Variants in CLRN3 observed in about 807,000 individuals in gnomAD.
CLRN3 encodes the protein clarin 3.
Under a neutral mutation model 16.7 loss-of-function variants are expected in CLRN3, and 12 were observed. The ratio of observed to expected loss-of-function variants is 0.72; its 90% CI spans 0.46 to 1.16. The LOEUF (loss-of-function observed/expected upper bound fraction) is 1.16, where lower values mean the gene tolerates loss of function less well. CLRN3 is among the 50% of genes most tolerant of loss of function. The pLI is 0.00. For missense variants in CLRN3, 296 were observed against 274.2 expected (o/e 1.08, Z -0.56); for synonymous variants, 118 against 113.0 (o/e 1.04, Z -0.28).
At chr10:127,889,699 G>C (rs945079761) in intron 1 of CLRN3, among the ~76,000 whole-genome samples, 9 of 152,314 alleles carry the variant, frequency 5.9e-5, no homozygotes, top group African/African-American at 2.2e-4. Flanking sequence ...TAAAAAATAA[G>C]TTCTGGTCAG....
At chr10:127,887,744 A>C (rs1473351136) in intron 1 of CLRN3, among the ~76,000 whole-genome samples, 2 of 152,252 alleles carry the variant, frequency 1.3e-5, no homozygotes, top group East Asian at 1.9e-4. Flanking sequence ...AAAGTTACCA[A>C]GAATGAAATA....
In CLRN3 at chr10:127,877,903, T is replaced by TA. The variant is rs2135074318; in HGVS notation, c.*245dup. ...CGTGAGACCAGGTCAGAAGGGTCGT[T>TA]ACGCTCATCATGATACTACTGCTTT... On this transcript the variant is annotated 3_prime_UTR_variant, in exon 3 of 3. Transcript: ENST00000368671. 8.0e-6 allele frequency: 4 copies of TA among 497,906 alleles called. No homozygotes were observed. The highest frequency in any genetic ancestry group is 3.5e-5 in the East Asian group (1 of 28,324). 30.8% of individuals were successfully genotyped at this position (497,906 alleles called of 1,614,324 possible).
At chr10:127,881,342 T>C (rs1449869863) in intron 2 of CLRN3, among the ~76,000 whole-genome samples, 1 of 152,200 alleles carries the variant, frequency 6.6e-6, no homozygotes, top group East Asian at 1.9e-4. Flanking sequence ...CAAACATGCA[T>C]GAGGCCTCTG....
At chr10:127,884,273 T>C (rs2135080906) in intron 1 of CLRN3, among the ~76,000 whole-genome samples, 1 of 152,306 alleles carries the variant, frequency 6.6e-6, no homozygotes, top group East Asian at 1.9e-4. Context: ...GGCTTCCACT[T>C]GGAGGCACTC....
Position 127,887,195 on chromosome 10 carries a change from A to C in CLRN3, c.230-3320T>G, listed in dbSNP as rs554913475. 1.1e-4 allele frequency among the ~76,000 whole-genome samples: 17 copies of C among 152,328 alleles called. No homozygotes were observed. In the South Asian group the frequency reaches 3.5e-3, roughly 32 times the overall value. On this transcript the variant is annotated intron_variant, in intron 1 of 2. Coordinates refer to ENST00000368671, the MANE Select transcript of CLRN3 (RefSeq NM_152311.5). ...TACAGCACGTAGGACACACCTGTTCAGGGGGACAGATCAGAGGCTGCAGAT... is the reference window on the plus strand; with the variant it reads ...TACAGCACGTAGGACACACCTGTTCCGGGGGACAGATCAGAGGCTGCAGAT...
chr10:127,891,343 T>C (rs1379121609), intron 1 of CLRN3, among the ~76,000 whole-genome samples: 1 of 152,208 alleles, frequency 6.6e-6, no homozygotes, highest in Non-Finnish European at 1.5e-5. Flanking sequence ...CAAAAAAAAC[T>C]GTAGGTTTTG....
In CLRN3 at chr10:127,885,974, C is replaced by G. The variant is rs190365022; in HGVS notation, c.230-2099G>C. Among the ~76,000 whole-genome samples, 5 of 152,126 alleles carry G rather than the reference C, an allele frequency of 3.3e-5. No homozygotes were observed. The South Asian group carries it at 1.0e-3, about 32-fold the overall frequency. Reference sequence around the variant, plus strand: ...TTGTCCATGTTGGTCAGGCTGGTCTCGAACTCCCAACCTCAGGTGATCTGC... The same window carrying G: ...TTGTCCATGTTGGTCAGGCTGGTCTGGAACTCCCAACCTCAGGTGATCTGC... On this transcript the variant is annotated intron_variant, in intron 1 of 2. Coordinates refer to ENST00000368671, the MANE Select transcript of CLRN3 (RefSeq NM_152311.5).
chr10:127,892,527 A>G (rs1282793909), intron 1 of CLRN3, 29 bp downstream of exon 1: 3 of 1,082,064 alleles, frequency 2.8e-6, no homozygotes, highest in East Asian at 2.4e-5. Context: ...CAATCTCACT[A>G]TATTCATTCA....
chr10:127,884,369 G>A (rs1037247101), intron 1 of CLRN3, among the ~76,000 whole-genome samples: 4 of 152,224 alleles, frequency 2.6e-5, no homozygotes, highest in Non-Finnish European at 5.9e-5. Context: ...AGTCAGGGGT[G>A]GCATCAGCAG....
chr10:127,881,633 A>G (rs1367349079), intron 2 of CLRN3, among the ~76,000 whole-genome samples: 1 of 152,156 alleles, frequency 6.6e-6, no homozygotes, highest in Non-Finnish European at 1.5e-5. Context: ...CCATTAGTGG[A>G]TGGCTTGGGG....
At chr10:127,883,896 T>C in intron 1 of CLRN3, 21 bp from the exon 2 acceptor site, 3 of 1,610,484 alleles carry the variant, frequency 1.9e-6, no homozygotes, top group Non-Finnish European at 2.5e-6. Context: ...GTTTTGTGAG[T>C]GCATAGCACA....
intron 2 of CLRN3, among the ~76,000 whole-genome samples, chr10:127,882,900 C>T (rs1273068576): frequency 1.3e-5 from 2 of 152,146 alleles, no homozygotes; most frequent in African/African-American, 2.4e-5. Flanking sequence ...GAGCAAAAGG[C>T]CCTGAAGGCA....
rs35890579 is a variant in CLRN3, at chr10:127,892,573, G to C, written c.212C>G (p.Pro71Arg). The change falls in exon 1 of 3, where the codon CCA becomes CGA. Residue 71 changes from proline to arginine, a missense_variant. Coordinates refer to ENST00000368671, the MANE Select transcript of CLRN3 (RefSeq NM_152311.5). Reference sequence around the variant, plus strand: ...TCATTTACCTGCAAACTTTTTCTTTGGTTCTGCAAGTCCGTGACTCAATTC... The same window carrying C: ...TCATTTACCTGCAAACTTTTTCTTTCGTTCTGCAAGTCCGTGACTCAATTC... Reference protein sequence around the residue: ...SEELSHGLAEPKKKFAVLEIL... With the variant: ...SEELSHGLAERKKKFAVLEIL... The C allele has an allele frequency of 1.3e-6, 2 of 1,589,074 alleles. No individual in the cohort carries two copies. Among genetic ancestry groups the C allele is most frequent in the Non-Finnish European group, 1.7e-6 (2 of 1,157,188 alleles).
At chr10:127,887,149 G>A (rs372859754) in intron 1 of CLRN3, among the ~76,000 whole-genome samples, 12 of 152,294 alleles carry the variant, frequency 7.9e-5, no homozygotes, top group African/African-American at 2.9e-4. Flanking sequence ...GGGGGACACC[G>A]GAGGAGAGAA....
At position 127,883,816 on chromosome 10, in the gene CLRN3, G is replaced by C; in HGVS notation, c.289C>G (p.Leu97Val). The C allele has an allele frequency of 6.2e-7, 1 of 1,614,210 alleles. No homozygotes were observed. Among genetic ancestry groups the C allele is most frequent in the African/African-American group, 1.3e-5 (1 of 75,054 alleles). Residue 97 changes from leucine (L) to valine (V), a missense_variant, in exon 2 of 3, where the codon CTG becomes GTG. By Grantham distance (32) the Leu-to-Val change is conservative. Transcript: ENST00000368671. ...KTLHSVTILF[L>V]VLSLITSLLS... Reference sequence around the variant, plus strand: ...AGCGACGTGATCAAACTCAGGACCAGGAACAGGATAGTCACCGAATGCAGA... The same window carrying C: ...AGCGACGTGATCAAACTCAGGACCACGAACAGGATAGTCACCGAATGCAGA...
At chr10:127,884,604 C>G (rs1472014069) in intron 1 of CLRN3, among the ~76,000 whole-genome samples, 2 of 152,232 alleles carry the variant, frequency 1.3e-5, no homozygotes, top group African/African-American at 2.4e-5. Flanking sequence ...TGAATCCTAA[C>G]AGCATTGGAT....
chr10:127,892,418 A>C, intron 1 of CLRN3, 138 bp downstream of exon 1: 4 of 620,704 alleles, frequency 6.4e-6, no homozygotes. Context: ...TTCCAAAATT[A>C]TGAGTTAAGC....
intron 2 of CLRN3, among the ~76,000 whole-genome samples, chr10:127,880,226 G>T (rs1012278707): frequency 2.0e-5 from 3 of 152,070 alleles, no homozygotes; most frequent in Non-Finnish European, 2.9e-5. Flanking sequence ...AATCATAAAG[G>T]GGCAGGATGT....
Position 127,892,675 on chromosome 10 carries a change from G to A in CLRN3, c.110C>T (p.Thr37Ile). ...ILGTQAWITSTIAVRDSASNG... is the reference protein window; with the variant it reads ...ILGTQAWITSIIAVRDSASNG... ...TGAAGCAGAGTCTCTAACAGCAATT[G>A]TACTGGTGATCCATGCTTGTGTCCC... Residue 37 changes from threonine to isoleucine, a missense_variant, in exon 1 of 3, where the codon ACA becomes ATA. Coordinates refer to ENST00000368671, the MANE Select transcript of CLRN3 (RefSeq NM_152311.5). The A allele has an allele frequency of 6.2e-7, 1 of 1,611,532 alleles. No individual in the cohort carries two copies. Among genetic ancestry groups the A allele is most frequent in the Non-Finnish European group, 8.5e-7 (1 of 1,177,648 alleles).
Sources: gnomAD v4.1 joint callset for allele counts (sites outside exome capture counted in the v4.1 genomes callset) on GRCh38, gnomAD v4.1.1 for gene constraint, MANE v1.5 for transcripts, NCBI Gene and HGNC (gene_info 2026-07-23, HGNC 2026-07-21) for gene names.